LRRC1: variants seen among roughly 807,000 people sequenced by gnomAD.
LRRC1 encodes leucine-rich repeat-containing protein 1.
In LRRC1, 28 loss-of-function variants were observed where a neutral mutation model predicts 69.9. The observed-to-expected ratio is 0.40, with a 90% confidence interval of 0.30 to 0.55. The LOEUF (loss-of-function observed/expected upper bound fraction) is 0.55. LRRC1 is among the 20% of genes least tolerant of loss of function. The pLI is 0.47. For missense variants in LRRC1, 498 were observed against 609.0 expected, an observed-to-expected ratio of 0.82 and a Z score of 1.92; for synonymous variants, 236 against 240.2, an observed-to-expected ratio of 0.98 and a Z score of 0.16.
chr6:53,900,627 C>G (rs891970739), intron 8 of LRRC1, among the ~76,000 whole-genome samples: 5 of 152,138 alleles, frequency 3.3e-5, no homozygotes, highest in African/African-American at 1.2e-4. Flanking sequence ...AAGGGAGGTG[C>G]TGAAAGAGTG....
intron 2 of LRRC1, among the ~76,000 whole-genome samples, chr6:53,846,773 A>C (rs1324163695): frequency 6.6e-6 from 1 of 152,206 alleles, no homozygotes; most frequent in East Asian, 1.9e-4. Flanking sequence ...CTGTGGTGAA[A>C]TGCGTATGCT....
chr6:53,899,647 G>C, intron 7 of LRRC1, 100 bp from the exon 8 acceptor site: 1 of 1,190,704 alleles, frequency 8.4e-7, no homozygotes, highest in Non-Finnish European at 1.2e-6. Flanking sequence ...AACATCCTTA[G>C]GACCGCCCTG....
chr6:53,810,561 A>G (rs1054005749), intron 1 of LRRC1, among the ~76,000 whole-genome samples: 1 of 151,906 alleles, frequency 6.6e-6, no homozygotes, highest in Non-Finnish European at 1.5e-5. Flanking sequence ...TGGGGCTTGC[A>G]GTGAGCCGAG....
chr6:53,833,592 C>G (rs1282934027), intron 1 of LRRC1, among the ~76,000 whole-genome samples: 1 of 152,152 alleles, frequency 6.6e-6, no homozygotes, highest in Non-Finnish European at 1.5e-5. Context: ...ATTTGCTTCT[C>G]TGAAATTTGG....
intron 2 of LRRC1, among the ~76,000 whole-genome samples, chr6:53,859,275 G>A (rs896932856): frequency 1.3e-5 from 2 of 152,098 alleles, no homozygotes; most frequent in African/African-American, 4.8e-5. Context: ...CCTTCACTTC[G>A]AGCAGTTGTT....
chr6:53,900,029 T>C, intron 8 of LRRC1, 138 bp downstream of exon 8: 2 of 251,986 alleles, frequency 7.9e-6, no homozygotes, highest in Admixed American at 1.2e-4. Flanking sequence ...TGTTTTTTTT[T>C]TTTTTTTTTT....
At chr6:53,826,917 C>T (rs1296183314) in intron 1 of LRRC1, among the ~76,000 whole-genome samples, 6 of 151,922 alleles carry the variant, frequency 3.9e-5, no homozygotes, top group Admixed American at 1.3e-4. Flanking sequence ...ATGTTTTGAC[C>T]CACCTGCCCA....
intron 10 of LRRC1, among the ~76,000 whole-genome samples, chr6:53,908,743 G>A (rs1768316820): frequency 1.3e-5 from 2 of 152,114 alleles, no homozygotes; most frequent in South Asian, 4.1e-4. Context: ...TGAGAGATCT[G>A]TCTTTACTCT....
intron 1 of LRRC1, among the ~76,000 whole-genome samples, chr6:53,820,668 A>G (rs1765090284): frequency 6.6e-6 from 1 of 151,942 alleles, no homozygotes; most frequent in Admixed American, 6.6e-5. Flanking sequence ...GTTATCACCT[A>G]CCTTAGTGAA....
chr6:53,907,289 G>A (rs1768272754), intron 10 of LRRC1, among the ~76,000 whole-genome samples: 1 of 152,144 alleles, frequency 6.6e-6, no homozygotes, highest in South Asian at 2.1e-4. Flanking sequence ...AAAATCCATA[G>A]TAGTATTAAT....
chr6:53,840,884 T>TTGTG (rs57491487), intron 1 of LRRC1, among the ~76,000 whole-genome samples: 3,768 of 125,230 alleles, frequency 0.03, 78 homozygotes, highest in Non-Finnish European at 0.04. Flanking sequence ...GGGTATGTGT[T>TTGTG]TGTGTGTGTG....
At chr6:53,878,253 A>C (rs1430351289) in intron 2 of LRRC1, among the ~76,000 whole-genome samples, 1 of 152,166 alleles carries the variant, frequency 6.6e-6, no homozygotes, top group Non-Finnish European at 1.5e-5. Flanking sequence ...GACACAACCA[A>C]ATCATATGAG....
intron 1 of LRRC1, among the ~76,000 whole-genome samples, chr6:53,834,739 C>T (rs527687930): frequency 6.6e-6 from 1 of 152,208 alleles, no homozygotes; most frequent in South Asian, 2.1e-4. Context: ...TTTGGGAGGC[C>T]GAGGCAGGCG....
chr6:53,828,866 G>A lies in LRRC1; in HGVS notation c.160-13244G>A, dbSNP rs187347089. ...TTTAGCACTTAGCCTCATCCTACCA[G>A]TACACTCCAAGGGCAACAAGGTGTT... is the stretch of plus-strand genomic sequence containing the variant. On this transcript the variant is annotated intron_variant, in intron 1 of 13. Transcript: ENST00000370888. Among the ~76,000 whole-genome samples the A allele has an allele frequency of 3.3e-5, 5 of 152,272 alleles. No individual in the cohort carries two copies. The East Asian group carries it at 9.7e-4, about 29-fold the overall frequency.
chr6:53,840,462 C>CT (rs1240130924), intron 1 of LRRC1, among the ~76,000 whole-genome samples: 1 of 151,296 alleles, frequency 6.6e-6, no homozygotes, highest in African/African-American at 2.4e-5. Flanking sequence ...TTGGTATGTA[C>CT]TTTTTTTTTC....
chr6:53,869,444 A>G (rs1309838075), intron 2 of LRRC1, among the ~76,000 whole-genome samples: 3 of 152,190 alleles, frequency 2.0e-5, no homozygotes, highest in Non-Finnish European at 4.4e-5. Flanking sequence ...TTTGGGAATC[A>G]ATTAAAAGTG....
At chr6:53,893,550 TTA>T (rs1221771867) in intron 4 of LRRC1, among the ~76,000 whole-genome samples, 6 of 152,180 alleles carry the variant, frequency 3.9e-5, no homozygotes, top group Non-Finnish European at 5.9e-5. Context: ...ATCTGAAACT[TTA>T]TGAGTGCCGA....
Position 53,922,849 on chromosome 6 carries a change from G to A in LRRC1, c.*56G>A. On this transcript the variant is annotated 3_prime_UTR_variant, in exon 14 of 14. Transcript: ENST00000370888. ...CTTCCTCTGCTGTCGAGACGTTCCT[G>A]TCTGCTTCCCGGGAGCCTCACGTGC... 6.4e-7 allele frequency: 1 copy of A among 1,558,518 alleles called. No homozygotes were observed. The highest frequency in any genetic ancestry group is 1.2e-5 in the South Asian group (1 of 85,530).
intron 2 of LRRC1, among the ~76,000 whole-genome samples, chr6:53,852,327 G>A (rs1766164086): frequency 6.6e-6 from 1 of 152,172 alleles, no homozygotes; most frequent in Non-Finnish European, 1.5e-5. Context: ...ATGAAAATCT[G>A]AACTAAGCTG....
Sources: gnomAD v4.1 joint callset for allele counts (sites outside exome capture counted in the v4.1 genomes callset) on GRCh38, gnomAD v4.1.1 for gene constraint, MANE v1.5 for transcripts, NCBI Gene and HGNC (gene_info 2026-07-23, HGNC 2026-07-21) for gene names.